Variants in LPGAT1 observed in about 807,000 individuals in gnomAD.
LPGAT1 encodes the protein lysophosphatidylglycerol acyltransferase 1, also known as acyl-CoA:lysophosphatidylglycerol acyltransferase 1.
LPGAT1 carries 11 observed loss-of-function variants against 47.5 expected under a neutral mutation model. The ratio of observed to expected loss-of-function variants is 0.23; its 90% CI spans 0.15 to 0.38. The LOEUF is 0.38. Ranked by LOEUF, LPGAT1 falls within the 10% of genes least tolerant of loss-of-function variation. The pLI, the probability that LPGAT1 is intolerant of heterozygous loss-of-function variation, is 1.00. For synonymous variants in LPGAT1, 138 were observed against 144.2 expected, an observed-to-expected ratio of 0.96 and a Z score of 0.31; for missense variants, 293 against 439.0, an observed-to-expected ratio of 0.67 and a Z score of 2.97.
intron 4 of LPGAT1, 36 bp downstream of exon 4, chr1:211,787,596 G>T: frequency 8.8e-7 from 1 of 1,136,330 alleles, no homozygotes; most frequent in South Asian, 1.3e-5. Context: ...AATTTGACCA[G>T]GCTATCACTG....
chr1:211,752,748 T>C (rs965446412), intron 6 of LPGAT1, among the ~76,000 whole-genome samples: 4 of 152,252 alleles, frequency 2.6e-5, no homozygotes, highest in African/African-American at 9.6e-5. Flanking sequence ...AAACCTTTTC[T>C]ATATAAACAA....
intron 6 of LPGAT1, among the ~76,000 whole-genome samples, chr1:211,775,536 T>C (rs1181880621): frequency 6.6e-6 from 1 of 152,140 alleles, no homozygotes; most frequent in Non-Finnish European, 1.5e-5. Context: ...TAAAATATAA[T>C]AAAAGTATCT....
chr1:211,761,449 GA>G (rs888950265), intron 6 of LPGAT1, among the ~76,000 whole-genome samples: 9 of 151,242 alleles, frequency 6.0e-5, no homozygotes, highest in East Asian at 1.9e-4. Flanking sequence ...GGGATTACAA[GA>G]AAAAAAAATC....
intron 6 of LPGAT1, among the ~76,000 whole-genome samples, chr1:211,759,719 T>C (rs556833505): frequency 3.9e-5 from 6 of 152,356 alleles, no homozygotes; most frequent in Admixed American, 3.3e-4. Context: ...ATTTTCATTA[T>C]CATTCTGCAA....
intron 6 of LPGAT1, among the ~76,000 whole-genome samples, chr1:211,765,415 T>G (rs1657867579): frequency 6.6e-6 from 1 of 152,202 alleles, no homozygotes; most frequent in South Asian, 2.1e-4. Context: ...ATTCAATGAC[T>G]AAGTAAAAAA....
rs1166504488 is a variant in LPGAT1 at position 211,749,004 on chromosome 1, G to A, written c.*895C>T. On this transcript the variant is annotated 3_prime_UTR_variant, in exon 8 of 8. Coordinates refer to ENST00000366997, the MANE Select transcript of LPGAT1 (RefSeq NM_014873.3). ...AAAATAAAGCCTCTGAGCTGCAATA[G>A]AGGCATCACGTCAGGGTGGTGTCCA... 1 of 152,568 alleles carries A rather than the reference G, an allele frequency of 6.6e-6. No homozygotes were observed. The highest frequency in any genetic ancestry group is 1.5e-5 in the Non-Finnish European group (1 of 68,058). The allele number at this position is 152,568 out of a possible 1,614,324, so 9.5% of individuals were successfully genotyped here. A position where few individuals can be genotyped will look rare whatever the true frequency, so the allele number is the denominator to read the frequency against.
chr1:211,764,869 C>T (rs1036004933), intron 6 of LPGAT1, among the ~76,000 whole-genome samples: 1 of 151,842 alleles, frequency 6.6e-6, no homozygotes, highest in Non-Finnish European at 1.5e-5. Flanking sequence ...ATACTTAGCA[C>T]CTAGGCCACT....
rs1316909194 is a variant in LPGAT1, at chr1:211,830,226, GGTGTCC to G, written c.-28+341_-28+346del. The G allele has an allele frequency of 1.0e-6, 1 of 984,126 alleles. No homozygotes were observed. Among genetic ancestry groups the G allele is most frequent in the Non-Finnish European group, 1.2e-6 (1 of 829,846 alleles). 61.0% of individuals were successfully genotyped at this position (984,126 alleles called of 1,614,324 possible). A position where few individuals can be genotyped will look rare whatever the true frequency, so the allele number is the denominator to read the frequency against. On this transcript the variant is annotated intron_variant, in intron 1 of 7. Coordinates refer to ENST00000366997, the MANE Select transcript of LPGAT1 (RefSeq NM_014873.3). The surrounding 1 kb of genome is among the most constrained non-coding windows in gnomAD (Gnocchi z 5.9). ...CGGGCGGCTGCGGAGAGCGGGGGCG[GGTGTCC>G]CCCGCCGAGGGGTCGCGGTCATGGA... is the stretch of plus-strand genomic sequence containing the variant.
chr1:211,819,877 C>T (rs12142878), intron 2 of LPGAT1, among the ~76,000 whole-genome samples: 12,708 of 151,482 alleles, frequency 0.084, 654 homozygotes, highest in Admixed American at 0.15. Context: ...GCCAGCTACT[C>T]GGGAGGCTGA....
intron 2 of LPGAT1, among the ~76,000 whole-genome samples, chr1:211,812,119 C>T (rs898077312): frequency 1.3e-5 from 2 of 152,188 alleles, no homozygotes; most frequent in African/African-American, 4.8e-5. Flanking sequence ...ACAGCAGATA[C>T]TCAATCAAGG....
Position 211,744,136 on chromosome 1 carries a change from C to T in LPGAT1, c.*5763G>A, listed in dbSNP as rs1385982656. On this transcript the variant is annotated 3_prime_UTR_variant, in exon 8 of 8. Coordinates refer to ENST00000366997, the MANE Select transcript of LPGAT1 (RefSeq NM_014873.3). ...AATGCTTTTCCTACCCTTTAAAGCC[C>T]TGGCCAGGGTCAGTGATAGGAATTT... 1 of 150,308 alleles carries T rather than the reference C, an allele frequency of 6.7e-6. No homozygotes were observed. Among genetic ancestry groups the T allele is most frequent in the Admixed American group, 6.8e-5 (1 of 14,762 alleles). The allele number at this position is 150,308 out of a possible 1,614,324, so 9.3% of individuals were successfully genotyped here.
At position 211,828,492 on chromosome 1, in the gene LPGAT1, T is replaced by A. The variant is rs186577725; in HGVS notation, c.238+567A>T. ...CAGAAGATAAATTAGCTTAACAAAGTTAACTTAATTTTTTATATTTAATAC... is the reference window on the plus strand; with the variant it reads ...CAGAAGATAAATTAGCTTAACAAAGATAACTTAATTTTTTATATTTAATAC... On this transcript the variant is annotated intron_variant, in intron 2 of 7. Coordinates refer to ENST00000366997, the MANE Select transcript of LPGAT1 (RefSeq NM_014873.3). Among the ~76,000 whole-genome samples, 478 of 152,302 alleles carry A rather than the reference T, an allele frequency of 3.1e-3. 1 individual carries two copies. Among genetic ancestry groups the A allele is most frequent in the Middle Eastern group, 0.02 (6 of 294 alleles).
intron 6 of LPGAT1, among the ~76,000 whole-genome samples, chr1:211,764,713 A>G (rs1465573903): frequency 1.3e-5 from 2 of 152,136 alleles, no homozygotes; most frequent in Admixed American, 1.3e-4. Context: ...AAATTTCAGA[A>G]ACTCAAATAT....
chr1:211,750,034 G>A lies in LPGAT1; in HGVS notation c.978C>T (p.Ser326=), dbSNP rs141048404. 1.9e-6 allele frequency: 3 copies of A among 1,612,962 alleles called. No individual in the cohort carries two copies. The highest frequency in any genetic ancestry group is 1.1e-5 in the South Asian group (1 of 90,952). ...HFYETGAFPP[S]KGHKEAVSRE... is the part of the protein sequence containing the mutation. ...TGGAAACAGCTTCCTTATGGCCCTT[G>A]GAAGGTGGAAAAGCTCCTAAAAGAC... The change falls in exon 8 of 8, where the codon TCC becomes TCT. Residue 326 remains serine (S), a synonymous_variant. Coordinates refer to ENST00000366997, the MANE Select transcript of LPGAT1 (RefSeq NM_014873.3).
chr1:211,814,369 C>T (rs1209357169), intron 2 of LPGAT1, among the ~76,000 whole-genome samples: 1 of 152,052 alleles, frequency 6.6e-6, no homozygotes, highest in East Asian at 1.9e-4. Context: ...TAGAAATTTT[C>T]AAAGAAACAA....
chr1:211,796,467 C>CAGAAGAAGCT (rs1265226831), intron 2 of LPGAT1, among the ~76,000 whole-genome samples: 2 of 152,164 alleles, frequency 1.3e-5, no homozygotes, highest in Non-Finnish European at 2.9e-5. Context: ...GGACAACCAC[C>CAGAAGAAGCT]AGAAGAAGCT....
At chr1:211,829,898 C>G (rs1041580852) in intron 1 of LPGAT1, 11 of 982,964 alleles carry the variant, frequency 1.1e-5, no homozygotes, top group Non-Finnish European at 1.2e-5. Context: ...AAATGGGGGG[C>G]CTAGAAAAAA....
chr1:211,789,463 G>A (rs1440566777), intron 3 of LPGAT1, among the ~76,000 whole-genome samples: 1 of 152,066 alleles, frequency 6.6e-6, no homozygotes, highest in African/African-American at 2.4e-5. Flanking sequence ...ACTTATTTTA[G>A]GGGAAATGTT....
At position 211,830,708 on chromosome 1, in the gene LPGAT1, T is replaced by G; in HGVS notation, c.-163A>C. The G allele has an allele frequency of 5.1e-6, 6 of 1,172,154 alleles. No individual in the cohort carries two copies. Among genetic ancestry groups the G allele is most frequent in the Middle Eastern group, 3.4e-4 (1 of 2,902 alleles). 72.6% of individuals were successfully genotyped at this position (1,172,154 alleles called of 1,614,324 possible). ...CCGGCTGTGGCGCGGCCCGCGCCCG[T>G]TCCCCGGCGGCGCCGAGACTCGGTC... On this transcript the variant is annotated 5_prime_UTR_variant, in exon 1 of 8. Transcript: ENST00000366997. The surrounding 1 kb of genome is among the most constrained non-coding windows in gnomAD (Gnocchi z 5.9).
Sources: gnomAD v4.1 joint callset for allele counts (sites outside exome capture counted in the v4.1 genomes callset) on GRCh38, gnomAD v4.1.1 for gene constraint, Gnocchi (gnomAD v3.1) non-coding constraint, MANE v1.5 for transcripts, NCBI Gene and HGNC (gene_info 2026-07-23, HGNC 2026-07-21) for gene names.